The following SCAP variants were observed in gnomAD, a reference collection of about 807,000 sequenced individuals.
SCAP encodes the protein sterol regulatory element-binding protein cleavage-activating protein.
In SCAP, 65 loss-of-function variants were observed where a neutral mutation model predicts 123.6. That is an observed-to-expected ratio of 0.53 (90% CI 0.43 to 0.65). SCAP has a LOEUF of 0.65. Ranked by LOEUF, SCAP falls within the 30% of genes least tolerant of loss-of-function variation. The probability of loss-of-function intolerance (pLI) is 0.00; values close to 1 mark genes in which losing one functional copy is unlikely to be tolerated. For synonymous variants in SCAP, 740 were observed against 726.3 expected (o/e 1.02, Z -0.30); for missense variants, 1,398 against 1,712.5 (o/e 0.82, Z 3.24).
chr3:47,436,558 G>A (rs188256621), intron 2 of SCAP, among the ~76,000 whole-genome samples: 79 of 152,252 alleles, frequency 5.2e-4, no homozygotes, highest in African/African-American at 1.7e-3. Flanking sequence ...AACCCTGGGA[G>A]GTAGAGGCTG....
intron 16 of SCAP, 34 bp from the exon 17 acceptor site, chr3:47,417,860 C>G: frequency 4.6e-6 from 3 of 653,164 alleles, no homozygotes; most frequent in Non-Finnish European, 6.3e-6. Context: ...AGAGGGGGCA[C>G]GGGGGAGGGG....
chr3:47,452,989 G>A (rs1210746688), intron 1 of SCAP, among the ~76,000 whole-genome samples: 1 of 152,008 alleles, frequency 6.6e-6, no homozygotes, highest in East Asian at 1.9e-4. Flanking sequence ...CTGGCTACTT[G>A]GAAGCCTGAG....
At position 47,419,608 on chromosome 3, in the gene SCAP, C is replaced by A. The variant is rs1705800058; in HGVS notation, c.1660G>T (p.Gly554Cys). 1 of 1,602,326 alleles carries A rather than the reference C, an allele frequency of 6.2e-7. No individual in the cohort carries two copies. Residue 554 changes from glycine to cysteine, a missense_variant, in exon 13 of 23, where the codon GGT becomes TGT. Coordinates refer to ENST00000265565, the MANE Select transcript of SCAP (RefSeq NM_012235.4). This position sits in a 1 kb window ranked among gnomAD's most constrained non-coding sequence, Gnocchi z 5.0. ...GGCATGGGAGCCAGGGCTCCCTCACCCAATGGGCTCTGTTCCGTCACCTGG... is the reference window on the plus strand; with the variant it reads ...GGCATGGGAGCCAGGGCTCCCTCACACAATGGGCTCTGTTCCGTCACCTGG... ...AAQVTEQSPLGEGALAPMPVP... is the reference protein window; with the variant it reads ...AAQVTEQSPLCEGALAPMPVP...
At chr3:47,455,594 C>CAAAAAAA (rs544006040) in intron 1 of SCAP, among the ~76,000 whole-genome samples, 2 of 42,418 alleles carry the variant, frequency 4.7e-5, no homozygotes, top group Non-Finnish European at 5.0e-5. Flanking sequence ...GACTCCACCT[C>CAAAAAAA]AAAAAAAAAA....
rs556580658 is a variant in SCAP at position 47,439,404 on chromosome 3, G to T, written c.122+3468C>A. On this transcript the variant is annotated intron_variant, in intron 2 of 22. Coordinates refer to ENST00000265565, the MANE Select transcript of SCAP (RefSeq NM_012235.4). The surrounding 1 kb of genome is among the most constrained non-coding windows in gnomAD (Gnocchi z 4.0). ...AGCCTGGGCGACAGAGTGAGACCCC[G>T]TCTCAAAATCAAAAACAACACAATG... Among the ~76,000 whole-genome samples the T allele has an allele frequency of 6.6e-6, 1 of 152,252 alleles. No individual in the cohort carries two copies. Among genetic ancestry groups the T allele is most frequent in the East Asian group, 1.9e-4 (1 of 5,176 alleles).
chr3:47,452,867 T>C (rs1206189063), intron 1 of SCAP, among the ~76,000 whole-genome samples: 1 of 151,514 alleles, frequency 6.6e-6, no homozygotes, highest in Non-Finnish European at 1.5e-5. Context: ...GCAGGAAGAC[T>C]GCTTGAGGCC....
At chr3:47,472,150 G>A (rs897623871) in intron 1 of SCAP, among the ~76,000 whole-genome samples, 3 of 150,982 alleles carry the variant, frequency 2.0e-5, no homozygotes, top group Non-Finnish European at 4.4e-5. Flanking sequence ...ATAATTAAAT[G>A]GGGCCGGGCG....
At chr3:47,421,385 C>T (rs1031667040) in intron 10 of SCAP, 1 of 253,818 alleles carries the variant, frequency 3.9e-6, no homozygotes, top group South Asian at 4.8e-5. Flanking sequence ...ACTGAGCCCC[C>T]GCCCTGCTCA....
At chr3:47,452,859 AG>A (rs746034298) in intron 1 of SCAP, among the ~76,000 whole-genome samples, 68 of 152,026 alleles carry the variant, frequency 4.5e-4, no homozygotes, top group Non-Finnish European at 8.7e-4. Context: ...ACACTGAGGC[AG>A]GAAGACTGCT....
intron 1 of SCAP, among the ~76,000 whole-genome samples, chr3:47,460,445 T>C (rs1022063472): frequency 6.6e-6 from 1 of 152,216 alleles, no homozygotes; most frequent in Admixed American, 6.5e-5. Context: ...ATGTCCATAT[T>C]AAAATGAAAT....
At chr3:47,448,246 T>C (rs181905406) in intron 1 of SCAP, among the ~76,000 whole-genome samples, 19 of 152,244 alleles carry the variant, frequency 1.2e-4, no homozygotes, top group African/African-American at 4.3e-4. Flanking sequence ...GCAACTATGT[T>C]TTCAATTTTG....
intron 18 of SCAP, among the ~76,000 whole-genome samples, chr3:47,416,150 C>T (rs1705560821): frequency 6.6e-6 from 1 of 152,192 alleles, no homozygotes; most frequent in Non-Finnish European, 1.5e-5. Flanking sequence ...GGTGCTGCCA[C>T]CAACAGTCAA....
chr3:47,446,499 G>T (rs1359760899), intron 1 of SCAP, among the ~76,000 whole-genome samples: 10 of 151,846 alleles, frequency 6.6e-5, no homozygotes, highest in Non-Finnish European at 1.3e-4. Flanking sequence ...TACTTTTTTT[G>T]TTGTTGTTGT....
At position 47,425,332 on chromosome 3, in the gene SCAP, G is replaced by C. The variant is rs1294501564; in HGVS notation, c.1037+153C>G. 1.9e-5 allele frequency: 15 copies of C among 791,828 alleles called. 1 individual carries two copies. The highest frequency in any genetic ancestry group is 2.7e-5 in the Non-Finnish European group (14 of 517,510). 49.1% of individuals were successfully genotyped at this position (791,828 alleles called of 1,614,324 possible). Reference sequence around the variant, plus strand: ...CAAGTATGAATACAAGCCAGACAAAGAAGAGGAAGAAAATGTACCTCTTAA... The same window carrying C: ...CAAGTATGAATACAAGCCAGACAAACAAGAGGAAGAAAATGTACCTCTTAA... On this transcript the variant is annotated intron_variant, in intron 8 of 22. Coordinates refer to ENST00000265565, the MANE Select transcript of SCAP (RefSeq NM_012235.4).
chr3:47,419,771 T>G lies in SCAP; in HGVS notation c.1564-67A>C. 1 of 1,489,236 alleles carries G rather than the reference T, an allele frequency of 6.7e-7. No individual in the cohort carries two copies. 92.3% of individuals were successfully genotyped at this position (1,489,236 alleles called of 1,614,324 possible). A position where few individuals can be genotyped will look rare whatever the true frequency, so the allele number is the denominator to read the frequency against. On this transcript the variant is annotated intron_variant, in intron 12 of 22. Coordinates refer to ENST00000265565, the MANE Select transcript of SCAP (RefSeq NM_012235.4). The surrounding 1 kb of genome is among the most constrained non-coding windows in gnomAD (Gnocchi z 5.0). Reference sequence around the variant, plus strand: ...CAACCCCCAGCAGCTTCAGCCCTCATGCTGAGAGGAAGCAGCACAGGGACC... The same window carrying G: ...CAACCCCCAGCAGCTTCAGCCCTCAGGCTGAGAGGAAGCAGCACAGGGACC...
rs758942424 is a variant in SCAP at position 47,417,274 on chromosome 3, G to GCTCTGCCCACCTTTAGCCC, written c.2970+11_2970+29dup. ...CCCACAATCCCCGGGGCGGACAGCC[G>GCTCTGCCCACCTTTAGCCC]CTCTGCCCACCTTTAGCCCCTCTGC... is the stretch of plus-strand genomic sequence containing the variant. On this transcript the variant is annotated intron_variant, in intron 17 of 22. Coordinates refer to ENST00000265565, the MANE Select transcript of SCAP (RefSeq NM_012235.4). The GCTCTGCCCACCTTTAGCCC allele has an allele frequency of 2.5e-6, 4 of 1,611,510 alleles. No homozygotes were observed. In the African/African-American group the frequency reaches 4.0e-5, roughly 16 times the overall value.
rs538038057 is a variant in SCAP, at chr3:47,458,342, T to A, written c.-98-15251A>T. On this transcript the variant is annotated intron_variant, in intron 1 of 22. Coordinates refer to ENST00000265565, the MANE Select transcript of SCAP (RefSeq NM_012235.4). ...TACTCAGGAGGCTGAGGCAGGAGAA[T>A]CGCTTGAACCCTGGAGGCAGAGGTT... 9.5e-4 allele frequency among the ~76,000 whole-genome samples: 144 copies of A among 151,704 alleles called. 1 individual carries two copies. Among genetic ancestry groups the A allele is most frequent in the Non-Finnish European group, 1.2e-3 (80 of 67,946 alleles).
chr3:47,473,099 A>AAAAAAAAAAAAAAAAAC (rs1559576281), intron 1 of SCAP, among the ~76,000 whole-genome samples: 1 of 148,112 alleles, frequency 6.8e-6, no homozygotes, highest in African/African-American at 2.5e-5. Flanking sequence ...AAAAAAAAAA[A>AAAAAAAAAAAAAAAAAC]CAGACTGTGG....
intron 2 of SCAP, among the ~76,000 whole-genome samples, chr3:47,441,383 G>T (rs940048750): frequency 6.6e-6 from 1 of 152,060 alleles, no homozygotes; most frequent in Non-Finnish European, 1.5e-5. Flanking sequence ...TGGGAGGGTC[G>T]CTTGAGCCTA....
Sources: allele counts gnomAD v4.1 joint callset (sites outside exome capture counted in the v4.1 genomes callset), GRCh38; gene constraint gnomAD v4.1.1; non-coding constraint Gnocchi (gnomAD v3.1); transcripts MANE v1.5; gene names NCBI Gene and HGNC (gene_info 2026-07-23, HGNC 2026-07-21).